Variants in DNAH11 observed in about 807,000 individuals in gnomAD.
The protein encoded by DNAH11 is axonemal beta dynein heavy chain 11.
DNAH11 carries 442 observed loss-of-function variants against 526.0 expected under a neutral mutation model. That is an observed-to-expected ratio of 0.84 (90% CI 0.78 to 0.91). The LOEUF (loss-of-function observed/expected upper bound fraction) is 0.91, where lower values mean the gene tolerates loss of function less well. DNAH11 is among the 40% of genes least tolerant of loss of function. The pLI, the probability that DNAH11 is intolerant of heterozygous loss-of-function variation, is 0.00. For missense variants in DNAH11, 6,989 were observed against 5,448.7 expected (o/e 1.28, Z -8.90); for synonymous variants, 2,461 against 1,935.9 (o/e 1.27, Z -7.12).
chr7:21,566,903 A>C (rs1783693737), intron 6 of DNAH11, among the ~76,000 whole-genome samples: 2 of 152,144 alleles, frequency 1.3e-5, no homozygotes, highest in Admixed American at 6.5e-5. Context: ...ATTTTGTACT[A>C]ACTTCTTGAA....
At chr7:21,727,846 G>C (rs572193371) in intron 45 of DNAH11, among the ~76,000 whole-genome samples, 1 of 152,326 alleles carries the variant, frequency 6.6e-6, no homozygotes, top group South Asian at 2.1e-4. Flanking sequence ...CTAGAGGCTA[G>C]AAGTCCAAGA....
At chr7:21,855,918 T>G (rs141995577) in intron 68 of DNAH11, among the ~76,000 whole-genome samples, 2 of 152,052 alleles carry the variant, frequency 1.3e-5, no homozygotes, top group African/African-American at 4.8e-5. Context: ...ATGATAGAGG[T>G]GGAGAGGCTG....
At chr7:21,785,913 A>G (rs1788154581) in intron 58 of DNAH11, among the ~76,000 whole-genome samples, 2 of 152,248 alleles carry the variant, frequency 1.3e-5, no homozygotes, top group African/African-American at 2.4e-5. Flanking sequence ...AAAGTATCAC[A>G]GGAAATACCT....
chr7:21,617,274 CTGA>C (rs1254872908), intron 22 of DNAH11, among the ~76,000 whole-genome samples: 1 of 152,220 alleles, frequency 6.6e-6, no homozygotes, highest in East Asian at 1.9e-4. Context: ...TCTTAGTAAT[CTGA>C]TAACAGTCTG....
intron 45 of DNAH11, among the ~76,000 whole-genome samples, chr7:21,732,282 A>G (rs910075798): frequency 6.6e-6 from 1 of 152,136 alleles, no homozygotes; most frequent in Non-Finnish European, 1.5e-5. Context: ...TTCTCTGTGC[A>G]TGTGTATCCC....
intron 66 of DNAH11, among the ~76,000 whole-genome samples, chr7:21,850,188 CTACTAAAAA>C (rs59797649): frequency 0.094 from 14,218 of 151,234 alleles, 1,925 homozygotes; most frequent in African/African-American, 0.29. Context: ...AACCCCATCT[CTACTAAAAA>C]TACAAAAAAT....
At chr7:21,705,629 C>G (rs541483597) in intron 39 of DNAH11, 92 bp downstream of exon 39, 1 of 1,239,162 alleles carries the variant, frequency 8.1e-7, no homozygotes, top group Non-Finnish European at 1.2e-6. Flanking sequence ...CAAAAGAATT[C>G]CCCTCCATGA....
At chr7:21,647,791 T>C (rs1787430190) in intron 28 of DNAH11, among the ~76,000 whole-genome samples, 1 of 152,138 alleles carries the variant, frequency 6.6e-6, no homozygotes, top group African/African-American at 2.4e-5. Flanking sequence ...CTCTAAAATT[T>C]TATACCCAGT....
Position 21,571,864 on chromosome 7 carries a change from C to T in DNAH11, c.1484C>T (p.Thr495Ile). The T allele has an allele frequency of 6.2e-7, 1 of 1,612,880 alleles. No homozygotes were observed. The highest frequency in any genetic ancestry group is 8.5e-7 in the Non-Finnish European group (1 of 1,179,450). Residue 495 changes from threonine (T) to isoleucine (I), a missense_variant, in exon 8 of 82, where the codon ACC (threonine) becomes ATC (isoleucine). Physicochemically the swap from Thr to Ile is moderately conservative, Grantham distance 89. Transcript: ENST00000409508. ...EKLERLEFGG[T>I]KGAILNGQVH... Reference sequence around the variant, plus strand: ...CTGGAAAGACTGGAATTTGGTGGTACCAAAGGAGCAATTTTAAATGGACAA... The same window carrying T: ...CTGGAAAGACTGGAATTTGGTGGTATCAAAGGAGCAATTTTAAATGGACAA...
At chr7:21,564,646 CA>C (rs930700420) in intron 6 of DNAH11, among the ~76,000 whole-genome samples, 2 of 152,144 alleles carry the variant, frequency 1.3e-5, no homozygotes, top group Non-Finnish European at 2.9e-5. Flanking sequence ...TACCTTTCTT[CA>C]AAAGGCTTTA....
chr7:21,689,682 A>T (rs1583596491), intron 34 of DNAH11, among the ~76,000 whole-genome samples: 1 of 152,250 alleles, frequency 6.6e-6, no homozygotes, highest in African/African-American at 2.4e-5. Context: ...CTCCATTTTT[A>T]TCTTGACTAT....
chr7:21,601,375 A>C, intron 17 of DNAH11, 21 bp from the exon 18 acceptor site: 1 of 1,591,548 alleles, frequency 6.3e-7, no homozygotes, highest in Non-Finnish European at 8.6e-7. Context: ...GTGTGTATCT[A>C]TGTACATATA....
At chr7:21,848,819 T>A (rs953090530) in intron 66 of DNAH11, among the ~76,000 whole-genome samples, 2 of 152,194 alleles carry the variant, frequency 1.3e-5, no homozygotes, top group African/African-American at 2.4e-5. Flanking sequence ...GTATTTCTTT[T>A]AAAAATTTTT....
intron 25 of DNAH11, among the ~76,000 whole-genome samples, chr7:21,633,805 G>A (rs1003747023): frequency 6.6e-6 from 1 of 152,144 alleles, no homozygotes; most frequent in Non-Finnish European, 1.5e-5. Flanking sequence ...GACTTGAAGG[G>A]TAGTCTATTA....
Position 21,901,388 on chromosome 7 carries a change from TAGAGTGAAAGTCAGAAAA to T in DNAH11, c.*136_*153del. On this transcript the variant is annotated 3_prime_UTR_variant, in exon 82 of 82. Transcript: ENST00000409508. ...TGCATTCTTTTTTCAACGCTATCCT[TAGAGTGAAAGTCAGAAAA>T]AAATACTAGAAACTAACTCAGGGCT... 1 of 1,272,226 alleles carries T rather than the reference TAGAGTGAAAGTCAGAAAA, an allele frequency of 7.9e-7. No individual in the cohort carries two copies. The highest frequency in any genetic ancestry group is 3.4e-5 in the Admixed American group (1 of 29,822). 78.8% of individuals were successfully genotyped at this position (1,272,226 alleles called of 1,614,324 possible). A position where few individuals can be genotyped will look rare whatever the true frequency, so the allele number is the denominator to read the frequency against.
intron 54 of DNAH11, among the ~76,000 whole-genome samples, chr7:21,752,181 G>A (rs149402392): frequency 3.0e-3 from 454 of 152,354 alleles, no homozygotes; most frequent in Non-Finnish European, 4.4e-3. Flanking sequence ...CATTGTTTGT[G>A]TATATCTTTC....
At chr7:21,617,942 C>G (rs1023671527) in intron 23 of DNAH11, among the ~76,000 whole-genome samples, 165 bp downstream of exon 23, 2 of 152,164 alleles carry the variant, frequency 1.3e-5, no homozygotes, top group Non-Finnish European at 2.9e-5. Context: ...TCGCCTGATC[C>G]GACCAACAAT....
At chr7:21,865,610 A>T (rs1783244432) in intron 70 of DNAH11, among the ~76,000 whole-genome samples, 1 of 152,214 alleles carries the variant, frequency 6.6e-6, no homozygotes, top group Non-Finnish European at 1.5e-5. Context: ...GCAGAGAAAC[A>T]TAGTCCCTCC....
At chr7:21,800,289 A>G (rs143896721) in intron 61 of DNAH11, among the ~76,000 whole-genome samples, 1 of 152,244 alleles carries the variant, frequency 6.6e-6, no homozygotes, top group African/African-American at 2.4e-5. Context: ...AGGTCTTTCA[A>G]TGCTAAAGAC....
Sources: gnomAD v4.1 joint callset for allele counts (sites outside exome capture counted in the v4.1 genomes callset) on GRCh38, gnomAD v4.1.1 for gene constraint, MANE v1.5 for transcripts, NCBI Gene and HGNC (gene_info 2026-07-23, HGNC 2026-07-21) for gene names.